FAM135B: variants seen among roughly 807,000 people sequenced by gnomAD.
FAM135B encodes protein FAM135B.
In FAM135B, 43 loss-of-function variants were observed where a neutral mutation model predicts 127.7. The observed-to-expected ratio is 0.34, with a 90% CI of 0.26 to 0.43. The LOEUF (loss-of-function observed/expected upper bound fraction) is 0.43, where lower values mean the gene tolerates loss of function less well. Ranked by LOEUF, FAM135B falls within the 20% of genes least tolerant of loss-of-function variation. The pLI is 1.00. For synonymous variants in FAM135B, 670 were observed against 665.1 expected (o/e 1.01, Z -0.11); for missense variants, 1,558 against 1,725.6 (o/e 0.90, Z 1.72).
At chr8:138,373,955 T>A (rs1313634595) in intron 1 of FAM135B, among the ~76,000 whole-genome samples, 1 of 152,182 alleles carries the variant, frequency 6.6e-6, no homozygotes, top group Admixed American at 6.5e-5. Context: ...TTCACCCCTG[T>A]CCTGTGGTCC....
At chr8:138,310,595 T>C (rs1042773472) in intron 3 of FAM135B, among the ~76,000 whole-genome samples, 16 of 152,320 alleles carry the variant, frequency 1.1e-4, no homozygotes, top group African/African-American at 3.6e-4. Flanking sequence ...CCACAGCCAG[T>C]TTATCTCCAA....
intron 17 of FAM135B, among the ~76,000 whole-genome samples, chr8:138,139,340 T>A (rs1274826573): frequency 1.3e-5 from 2 of 152,156 alleles, no homozygotes; most frequent in Non-Finnish European, 2.9e-5. Flanking sequence ...AGTAAGAAAC[T>A]ACCCACACTC....
intron 2 of FAM135B, among the ~76,000 whole-genome samples, chr8:138,366,911 A>G (rs912765959): frequency 6.6e-6 from 1 of 152,086 alleles, no homozygotes; most frequent in Non-Finnish European, 1.5e-5. Flanking sequence ...GATTTTGTGT[A>G]TTTCCCCTCT....
rs1321766835 is a variant in FAM135B at position 138,175,256 on chromosome 8, C to A, written c.1103+2091G>T. Among the ~76,000 whole-genome samples, 5 of 152,242 alleles carry A rather than the reference C, an allele frequency of 3.3e-5. No homozygotes were observed. The South Asian group carries it at 1.0e-3, about 32-fold the overall frequency. On this transcript the variant is annotated intron_variant, in intron 11 of 19. Transcript: ENST00000395297. The stretch of plus-strand genomic sequence containing the variant: ...GCCCCACATGGACTGGTCCCTACTG[C>A]CCTCTGGCCCTCCCTCCCTCCCCTC...
At chr8:138,347,530 AG>A (rs1829498857) in intron 2 of FAM135B, among the ~76,000 whole-genome samples, 1 of 152,210 alleles carries the variant, frequency 6.6e-6, no homozygotes, top group South Asian at 2.1e-4. Context: ...AACAGCCAAA[AG>A]GAATGGTGCC....
intron 6 of FAM135B, among the ~76,000 whole-genome samples, chr8:138,244,494 C>T (rs1163577961): frequency 6.6e-6 from 1 of 152,102 alleles, no homozygotes. Context: ...GTTGGGGTCC[C>T]ATGGGATAAG....
rs1191734477 is a variant in FAM135B, at chr8:138,155,535, T to C, written c.1259-2319A>G. ...AAAGAGTCAAGACCCATCAGTGTGC[T>C]GTATTCAGGAGACCCATCTCATGTG... On this transcript the variant is annotated intron_variant, in intron 12 of 19. Transcript: ENST00000395297. 3.3e-5 allele frequency among the ~76,000 whole-genome samples: 5 copies of C among 152,164 alleles called. No individual in the cohort carries two copies. The East Asian group carries it at 7.7e-4, about 23-fold the overall frequency.
At position 138,243,186 on chromosome 8, in the gene FAM135B, G is replaced by A. The variant is rs913343498; in HGVS notation, c.543-118C>T. 63 of 1,215,764 alleles carry A rather than the reference G, an allele frequency of 5.2e-5. No homozygotes were observed. The highest frequency in any genetic ancestry group is 2.0e-5 in the Non-Finnish European group (18 of 892,774). 75.3% of individuals were successfully genotyped at this position (1,215,764 alleles called of 1,614,324 possible). ...ATTTGGGATAAGTCATTTAGGAGTA[G>A]TTCACCCCCTAGGGAGTGTTTGCAT... On this transcript the variant is annotated intron_variant, in intron 6 of 19. Coordinates refer to ENST00000395297, the MANE Select transcript of FAM135B (RefSeq NM_015912.4). This position sits in a 1 kb window ranked among gnomAD's most constrained non-coding sequence, Gnocchi z 7.5.
intron 1 of FAM135B, among the ~76,000 whole-genome samples, chr8:138,494,910 T>C (rs1234721479): frequency 6.6e-6 from 1 of 152,070 alleles, no homozygotes; most frequent in African/African-American, 2.4e-5. Flanking sequence ...GTGCTGCATT[T>C]GATGGCAAAG....
At position 138,204,612 on chromosome 8, in the gene FAM135B, C is replaced by T. The variant is rs532635592; in HGVS notation, c.670-6943G>A. Among the ~76,000 whole-genome samples the T allele has an allele frequency of 4.6e-4, 70 of 152,234 alleles. 1 individual carries two copies. Among genetic ancestry groups the T allele is most frequent in the African/African-American group, 1.2e-3 (49 of 41,550 alleles). ...GCCTCAGGGTCCAGCTTACCCTCAC[C>T]GCCTCCTACTTTGGAATCGTGGAAC... On this transcript the variant is annotated intron_variant, in intron 7 of 19. Coordinates refer to ENST00000395297, the MANE Select transcript of FAM135B (RefSeq NM_015912.4).
chr8:138,265,682 G>C (rs1402766837), intron 4 of FAM135B, 21 bp downstream of exon 4: 8 of 1,613,380 alleles, frequency 5.0e-6, no homozygotes, highest in Non-Finnish European at 6.8e-6. Context: ...ACTTGTGGCT[G>C]GTGGTAGATT....
At chr8:138,376,428 T>C (rs917397097) in intron 1 of FAM135B, among the ~76,000 whole-genome samples, 1 of 152,210 alleles carries the variant, frequency 6.6e-6, no homozygotes, top group Non-Finnish European at 1.5e-5. Flanking sequence ...TCCAGCTTCA[T>C]CACCTTCTGT....
intron 1 of FAM135B, among the ~76,000 whole-genome samples, chr8:138,428,163 GATAAA>G (rs777704727): frequency 6.6e-6 from 1 of 152,108 alleles, no homozygotes; most frequent in South Asian, 2.1e-4. Flanking sequence ...AACAGAAAAA[GATAAA>G]ATAAAATAAA....
chr8:138,144,494 T>C (rs1396265309), intron 15 of FAM135B: 1 of 136,322 alleles, frequency 7.3e-6, no homozygotes, highest in Non-Finnish European at 1.6e-5. Context: ...TTTCCTCATC[T>C]ATAAAATGTT....
intron 3 of FAM135B, among the ~76,000 whole-genome samples, chr8:138,306,824 T>C (rs770593630): frequency 6.6e-6 from 1 of 152,172 alleles, no homozygotes; most frequent in Admixed American, 6.5e-5. Flanking sequence ...CCTCAGGTGA[T>C]CTGCCTGCCT....
chr8:138,197,424 A>G (rs2131133718), intron 8 of FAM135B, 92 bp downstream of exon 8: 2 of 1,477,126 alleles, frequency 1.4e-6, no homozygotes, highest in African/African-American at 1.4e-5. Context: ...TTCCTGTGAC[A>G]TTTACAAAAG....
At chr8:138,209,061 T>C (rs763031016) in intron 7 of FAM135B, among the ~76,000 whole-genome samples, 1 of 152,210 alleles carries the variant, frequency 6.6e-6, no homozygotes, top group Non-Finnish European at 1.5e-5. Flanking sequence ...TGGGTTTCTA[T>C]ATATTCCTCA....
intron 11 of FAM135B, among the ~76,000 whole-genome samples, chr8:138,174,187 T>G (rs959910455): frequency 6.6e-6 from 1 of 152,208 alleles, no homozygotes; most frequent in African/African-American, 2.4e-5. Flanking sequence ...TTGATTTCAC[T>G]GTCCACTAAA....
chr8:138,154,182 G>A (rs983877065), intron 12 of FAM135B, among the ~76,000 whole-genome samples: 3 of 152,140 alleles, frequency 2.0e-5, no homozygotes, highest in African/African-American at 7.2e-5. Flanking sequence ...ACAGGATCTG[G>A]AGTGGACCTC....
Sources: gnomAD v4.1 joint callset for allele counts (sites outside exome capture counted in the v4.1 genomes callset) on GRCh38, gnomAD v4.1.1 for gene constraint, Gnocchi (gnomAD v3.1) non-coding constraint, MANE v1.5 for transcripts, NCBI Gene and HGNC (gene_info 2026-07-23, HGNC 2026-07-21) for gene names.